Variants in MYRIP observed in about 807,000 individuals in gnomAD.
MYRIP encodes the protein myosin VIIA and Rab interacting protein.
A neutral mutation model predicts 98.0 loss-of-function variants in MYRIP; 49 were observed. The ratio of observed to expected loss-of-function variants is 0.50; its 90% CI spans 0.40 to 0.63. MYRIP has a LOEUF of 0.63. Ranked by LOEUF, MYRIP falls within the 30% of genes least tolerant of loss-of-function variation. The pLI is 0.00. For synonymous variants in MYRIP, 404 were observed against 409.5 expected (o/e 0.99, Z 0.16); for missense variants, 1,004 against 1,058.2 (o/e 0.95, Z 0.71).
At chr3:39,997,131 G>A (rs1048286191) in intron 2 of MYRIP, among the ~76,000 whole-genome samples, 8 of 151,916 alleles carry the variant, frequency 5.3e-5, no homozygotes, top group Admixed American at 2.0e-4. Context: ...GAACTAGAAA[G>A]GCAAGAGCAA....
chr3:40,035,870 T>A (rs913457960), intron 2 of MYRIP, among the ~76,000 whole-genome samples: 1 of 151,874 alleles, frequency 6.6e-6, no homozygotes. Context: ...AATATGAAAC[T>A]CAATACAATT....
chr3:40,147,296 T>G (rs1208537651), intron 3 of MYRIP, among the ~76,000 whole-genome samples: 1 of 152,182 alleles, frequency 6.6e-6, no homozygotes, highest in Non-Finnish European at 1.5e-5. Flanking sequence ...GACTGCATTC[T>G]GTAAGATTTT....
chr3:40,224,587 C>A (rs1426860279), intron 11 of MYRIP, among the ~76,000 whole-genome samples: 1 of 151,996 alleles, frequency 6.6e-6, no homozygotes, highest in Non-Finnish European at 1.5e-5. Flanking sequence ...ATACTAGGTA[C>A]CATCAAAGAA....
intron 2 of MYRIP, among the ~76,000 whole-genome samples, chr3:39,924,247 A>T (rs1357303174): frequency 3.3e-5 from 5 of 152,104 alleles, no homozygotes; most frequent in African/African-American, 1.2e-4. Context: ...ATTCACCTCA[A>T]ATATAACGAT....
At chr3:40,218,312 T>G (rs1324504763) in intron 11 of MYRIP, among the ~76,000 whole-genome samples, 1 of 151,796 alleles carries the variant, frequency 6.6e-6, no homozygotes, top group Non-Finnish European at 1.5e-5. Context: ...GAAAAAAGAC[T>G]CAAAAGGTTA....
chr3:40,048,048 T>C (rs1291936294), intron 3 of MYRIP, among the ~76,000 whole-genome samples: 2 of 152,184 alleles, frequency 1.3e-5, no homozygotes, highest in Non-Finnish European at 2.9e-5. Flanking sequence ...ACTCCCTTCT[T>C]GGTTAGAACT....
At chr3:39,947,027 G>A (rs929968729) in intron 2 of MYRIP, among the ~76,000 whole-genome samples, 6 of 152,118 alleles carry the variant, frequency 3.9e-5, no homozygotes, top group East Asian at 3.9e-4. Flanking sequence ...TAACTTATAA[G>A]TATATAAAAG....
chr3:39,897,212 T>A lies in MYRIP; in HGVS notation c.-30-3575T>A, dbSNP rs147715791. 6.1e-3 allele frequency among the ~76,000 whole-genome samples: 927 copies of A among 152,350 alleles called. 3 individuals carry two copies. The highest frequency in any genetic ancestry group is 0.02 in the African/African-American group (835 of 41,578). ...AGAAAGAGGTTTCTGCAGACATATA[T>A]GTTTGAGAAACACAGAGTTAAGCAA... On this transcript the variant is annotated intron_variant, in intron 1 of 16. Transcript: ENST00000302541.
At chr3:39,910,845 C>A (rs1175565376) in intron 2 of MYRIP, among the ~76,000 whole-genome samples, 1 of 152,104 alleles carries the variant, frequency 6.6e-6, no homozygotes, top group African/African-American at 2.4e-5. Flanking sequence ...AGTAAGCTTT[C>A]TTTCCCAATT....
In MYRIP at chr3:40,138,180, G is replaced by A. The variant is rs545094714; in HGVS notation, c.333-12868G>A. ...CATTGCGGCACATATCCCCTCCTAA[G>A]AATCACTCATTTGCAGCATTTGGTA... On this transcript the variant is annotated intron_variant, in intron 3 of 16. Transcript: ENST00000302541. 2.6e-5 allele frequency among the ~76,000 whole-genome samples: 4 copies of A among 152,316 alleles called. No individual in the cohort carries two copies. In the East Asian group the frequency reaches 5.8e-4, roughly 22 times the overall value.
chr3:40,158,557 C>G (rs1950299600), intron 4 of MYRIP, among the ~76,000 whole-genome samples: 1 of 152,076 alleles, frequency 6.6e-6, no homozygotes. Context: ...TCCTTGTTGA[C>G]TTCCTGTCTC....
intron 3 of MYRIP, among the ~76,000 whole-genome samples, chr3:40,051,820 C>T (rs1364245774): frequency 6.6e-6 from 1 of 152,124 alleles, no homozygotes; most frequent in Non-Finnish European, 1.5e-5. Flanking sequence ...TTGGTATTCA[C>T]ACAGCCCACA....
intron 2 of MYRIP, among the ~76,000 whole-genome samples, chr3:39,969,603 T>C (rs1945527673): frequency 6.6e-6 from 1 of 152,220 alleles, no homozygotes. Context: ...TCCTTAGTTC[T>C]GTTTATGTGA....
intron 4 of MYRIP, among the ~76,000 whole-genome samples, chr3:40,157,261 T>G: frequency 6.8e-6 from 1 of 146,496 alleles, no homozygotes; most frequent in Non-Finnish European, 1.5e-5. Context: ...ATCATGTGGT[T>G]TTTGTCTTTG....
chr3:40,060,875 G>T (rs748210953), intron 3 of MYRIP, among the ~76,000 whole-genome samples: 1 of 152,140 alleles, frequency 6.6e-6, no homozygotes, highest in Non-Finnish European at 1.5e-5. Context: ...TTACAGGCAT[G>T]AGGCACCACG....
chr3:39,940,043 G>A (rs1944747774), intron 2 of MYRIP, among the ~76,000 whole-genome samples: 1 of 152,028 alleles, frequency 6.6e-6, no homozygotes, highest in African/African-American at 2.4e-5. Flanking sequence ...GAACTGCAAA[G>A]TAATATATGC....
intron 3 of MYRIP, among the ~76,000 whole-genome samples, chr3:40,087,266 A>T (rs1446108136): frequency 6.6e-6 from 1 of 152,130 alleles, no homozygotes; most frequent in Non-Finnish European, 1.5e-5. Flanking sequence ...AGATGAGTGT[A>T]ACAGTCCCAG....
At chr3:40,138,280 G>C (rs2125558070) in intron 3 of MYRIP, among the ~76,000 whole-genome samples, 1 of 152,276 alleles carries the variant, frequency 6.6e-6, no homozygotes, top group South Asian at 2.1e-4. Context: ...CCCCCAGTGA[G>C]TACCAAGGGT....
intron 1 of MYRIP, among the ~76,000 whole-genome samples, chr3:39,855,475 G>C (rs1187272750): frequency 1.3e-5 from 2 of 152,144 alleles, no homozygotes; most frequent in African/African-American, 4.8e-5. Context: ...AGGAGAGTCT[G>C]GTTTCAGACT....
Sources: gnomAD v4.1 joint callset for allele counts (sites outside exome capture counted in the v4.1 genomes callset) on GRCh38, gnomAD v4.1.1 for gene constraint, MANE v1.5 for transcripts, NCBI Gene and HGNC (gene_info 2026-07-23, HGNC 2026-07-21) for gene names.